Variants in BRCA1 observed in about 807,000 individuals in gnomAD.
The protein encoded by BRCA1 is BRCA1 DNA repair associated.
BRCA1 carries 140 observed loss-of-function variants against 173.7 expected under a neutral mutation model. That is an observed-to-expected ratio of 0.81 (90% CI 0.70 to 0.93). The LOEUF is 0.93. BRCA1 is among the 40% of genes least tolerant of loss of function. The probability of loss-of-function intolerance (pLI) is 0.00; values close to 1 mark genes in which losing one functional copy is unlikely to be tolerated. For missense variants in BRCA1, 1,983 were observed against 2,172.5 expected, an observed-to-expected ratio of 0.91 and a Z score of 1.73; for synonymous variants, 662 against 756.0, an observed-to-expected ratio of 0.88 and a Z score of 2.04.
rs1350643283 is a variant in BRCA1, at chr17:43,092,807, T to G, written c.2724A>C (p.Glu908Asp). The G allele has an allele frequency of 6.2e-7, 1 of 1,613,966 alleles. No individual in the cohort carries two copies. Residue 908 changes from glutamate to aspartate, a missense_variant, in exon 10 of 23, where the codon GAA becomes GAC. By Grantham distance (45) the Glu-to-Asp change is conservative. Transcript: ENST00000357654. ...KVTFECEQKE[E>D]NQGKNESNIK... ...TATTAGACTCATTCTTTCCTTGATT[T>G]TCTTCCTTTTGTTCACATTCAAAAG... is the stretch of plus-strand genomic sequence containing the variant.
At position 43,076,025 on chromosome 17, in the gene BRCA1, G is replaced by A. The variant is rs56295923; in HGVS notation, c.4484+463C>T. Among the ~76,000 whole-genome samples, 92 of 151,948 alleles carry A rather than the reference G, an allele frequency of 6.1e-4. No homozygotes were observed. The East Asian group carries it at 0.016, about 27-fold the overall frequency. ...GGAGGATTGCTTGAGCCTGAAAAAC[G>A]GAGGATGCAGTGAGCCATGACTGCA... On this transcript the variant is annotated intron_variant, in intron 13 of 22. Transcript: ENST00000357654.
At chr17:43,161,379 A>G (rs1339236988) in intron 1 of BRCA1, 3 of 152,140 alleles carry the variant, frequency 2.0e-5, no homozygotes, top group African/African-American at 7.2e-5. Context: ...CATTGTTTCA[A>G]TTTCTTATAG....
intron 12 of BRCA1, among the ~76,000 whole-genome samples, chr17:43,078,127 C>G (rs2052827761): frequency 6.6e-6 from 1 of 151,498 alleles, no homozygotes; most frequent in Non-Finnish European, 1.5e-5. Flanking sequence ...CTCTGTTACC[C>G]AGGCTGGAAT....
At chr17:43,131,780 G>T (rs2154581330) in intron 1 of BRCA1, among the ~76,000 whole-genome samples, 1 of 150,390 alleles carries the variant, frequency 6.6e-6, no homozygotes, top group East Asian at 2.0e-4. Context: ...TTCTTTCTTT[G>T]CTTTGCTTTT....
At chr17:43,100,657 CATATATATATATATATATATAATATAT>C (rs1228805098) in intron 6 of BRCA1, among the ~76,000 whole-genome samples, 1 of 16,132 alleles carries the variant, frequency 6.2e-5, no homozygotes, top group Non-Finnish European at 8.7e-5. Flanking sequence ...ATATATATAA[CATATATATATATATATATATAATATAT>C]ATATATATAT....
chr17:43,076,420 T>C, intron 13 of BRCA1, 68 bp downstream of exon 13: 2 of 1,585,518 alleles, frequency 1.3e-6, no homozygotes, highest in Admixed American at 3.3e-5. Flanking sequence ...TGAAAAAAAT[T>C]AACAATCAGA....
chr17:43,117,522 T>C (rs1285455648), intron 2 of BRCA1, among the ~76,000 whole-genome samples: 1 of 151,970 alleles, frequency 6.6e-6, no homozygotes, highest in African/African-American at 2.4e-5. Flanking sequence ...GGGCGGATCA[T>C]GAGGTCAGGA....
At chr17:43,155,173 TA>T (rs1277994479) in intron 1 of BRCA1, among the ~76,000 whole-genome samples, 1 of 152,158 alleles carries the variant, frequency 6.6e-6, no homozygotes, top group Non-Finnish European at 1.5e-5. Flanking sequence ...CTGGTCTTTT[TA>T]ATTTTCTTTT....
upstream of BRCA1, among the ~76,000 whole-genome samples, chr17:43,126,280 G>A (rs542471390): frequency 6.6e-6 from 1 of 152,352 alleles, no homozygotes; most frequent in East Asian, 1.9e-4. Context: ...CAGTCAATGG[G>A]GTGGTCGTTT....
chr17:43,073,371 T>A (rs1043210462), intron 14 of BRCA1, among the ~76,000 whole-genome samples: 2 of 152,154 alleles, frequency 1.3e-5, no homozygotes, highest in Non-Finnish European at 2.9e-5. Flanking sequence ...ACAGCAGAGA[T>A]GTCATCCTTG....
chr17:43,145,556 G>C (rs953158491), intron 1 of BRCA1, among the ~76,000 whole-genome samples: 4 of 152,076 alleles, frequency 2.6e-5, no homozygotes, highest in African/African-American at 9.7e-5. Context: ...TCGATCTCCT[G>C]ACCTCGTGAT....
intron 6 of BRCA1, among the ~76,000 whole-genome samples, chr17:43,101,411 G>C (rs1031244650): frequency 6.6e-6 from 1 of 151,588 alleles, no homozygotes; most frequent in African/African-American, 2.4e-5. Flanking sequence ...TGCCTAGGCT[G>C]GTCTTGAACT....
chr17:43,166,185 ACTCT>A (rs371727928), intron 1 of BRCA1: 6 of 111,206 alleles, frequency 5.4e-5, no homozygotes, highest in African/African-American at 2.1e-4. Flanking sequence ...TCTATCCTTG[ACTCT>A]CTGTCTGTCT....
chr17:43,120,808 G>C (rs1329916783), intron 2 of BRCA1, among the ~76,000 whole-genome samples: 1 of 151,512 alleles, frequency 6.6e-6, no homozygotes, highest in Non-Finnish European at 1.5e-5. Flanking sequence ...AGGCGCAGTG[G>C]CTCACGCCAG....
At chr17:43,107,223 C>T (rs1157861936) in intron 3 of BRCA1, among the ~76,000 whole-genome samples, 2 of 151,618 alleles carry the variant, frequency 1.3e-5, no homozygotes, top group Non-Finnish European at 2.9e-5. Context: ...CAGCACCATG[C>T]CCGGCTAATT....
At chr17:43,106,586 A>G (rs771398886) in intron 3 of BRCA1, 53 bp from the exon 4 acceptor site, 186 of 1,361,024 alleles carry the variant, frequency 1.4e-4, no homozygotes, top group Non-Finnish European at 1.8e-4. Flanking sequence ...TTTTGTAGAA[A>G]GAATACTCAA....
intron 12 of BRCA1, among the ~76,000 whole-genome samples, chr17:43,080,518 G>T (rs1408838609): frequency 6.6e-6 from 1 of 151,626 alleles, no homozygotes; most frequent in Admixed American, 6.6e-5. Context: ...TTTACTAGAA[G>T]TTCTGGCCAG....
At chr17:43,071,336 T>A (rs2052436667) in intron 14 of BRCA1, 98 bp from the exon 15 acceptor site, 1 of 1,409,538 alleles carries the variant, frequency 7.1e-7, no homozygotes, top group African/African-American at 1.4e-5. Context: ...TAAAGTTAGG[T>A]TAAGAGAAAA....
intron 20 of BRCA1, among the ~76,000 whole-genome samples, chr17:43,050,618 GAA>G (rs774947869): frequency 0.016 from 1,134 of 73,018 alleles, 12 homozygotes; most frequent in Non-Finnish European, 0.027. Flanking sequence ...CAAAAAAAAA[GAA>G]AAAAAAAAAG....
Sources: allele counts gnomAD v4.1 joint callset (sites outside exome capture counted in the v4.1 genomes callset), GRCh38; gene constraint gnomAD v4.1.1; transcripts MANE v1.5; gene names NCBI Gene and HGNC (gene_info 2026-07-23, HGNC 2026-07-21).